Variants in TNFAIP8 observed in about 807,000 individuals in gnomAD.
The protein encoded by TNFAIP8 is TNF alpha induced protein 8, also known as tumor necrosis factor alpha-induced protein 8.
TNFAIP8 carries 7 observed loss-of-function variants against 13.3 expected under a neutral mutation model. That is an observed-to-expected ratio of 0.52 (90% CI 0.30 to 0.99). TNFAIP8 has a LOEUF of 0.99. Ranked by LOEUF, TNFAIP8 falls within the 50% of genes least tolerant of loss-of-function variation. The pLI is 0.07. For synonymous variants in TNFAIP8, 94 were observed against 87.6 expected (o/e 1.07, Z -0.41); for missense variants, 258 against 236.9 (o/e 1.09, Z -0.58).
chr5:119,351,453 A>T (rs1292423916), upstream of TNFAIP8, among the ~76,000 whole-genome samples: 1 of 152,196 alleles, frequency 6.6e-6, no homozygotes, highest in Non-Finnish European at 1.5e-5. Flanking sequence ...GATAGTCAAC[A>T]TTTTATTATA....
At chr5:119,375,244 G>A (rs1752237378) in intron 1 of TNFAIP8, among the ~76,000 whole-genome samples, 2 of 152,118 alleles carry the variant, frequency 1.3e-5, no homozygotes, top group African/African-American at 4.8e-5. Context: ...TGATCCCTAC[G>A]TTAACCTCTA....
intron 1 of TNFAIP8, among the ~76,000 whole-genome samples, chr5:119,330,340 G>T (rs571073184): frequency 6.6e-6 from 1 of 152,188 alleles, no homozygotes; most frequent in African/African-American, 2.4e-5. Flanking sequence ...ATAAACAAAT[G>T]AAAGTATCTT....
intron 1 of TNFAIP8, among the ~76,000 whole-genome samples, chr5:119,310,294 C>T (rs972298342): frequency 2.0e-5 from 3 of 152,130 alleles, no homozygotes; most frequent in South Asian, 2.1e-4. Context: ...ATGGTAAGGT[C>T]GTCCTGGGAG....
In TNFAIP8 at chr5:119,356,020, C is replaced by T; in HGVS notation, c.-71C>T. 1 of 1,543,804 alleles carries T rather than the reference C, an allele frequency of 6.5e-7. No individual in the cohort carries two copies. Among genetic ancestry groups the T allele is most frequent in the South Asian group, 1.2e-5 (1 of 84,064 alleles). ...TTTCCGTCGTGTGCGGATTTCGCTG[C>T]AGAGCGAACTTGCGGCTCGTCCGAG... is the stretch of plus-strand genomic sequence containing the variant. On this transcript the variant is annotated 5_prime_UTR_variant, in exon 1 of 2. Transcript: ENST00000504771.
At chr5:119,277,296 T>TC (rs796607449) in intron 1 of TNFAIP8, among the ~76,000 whole-genome samples, 6 of 152,362 alleles carry the variant, frequency 3.9e-5, no homozygotes, top group African/African-American at 1.4e-4. Context: ...GTTACTTTTT[T>TC]CTTTAAACAA....
At chr5:119,333,438 G>C in intron 1 of TNFAIP8, 1 of 1,392,350 alleles carries the variant, frequency 7.2e-7, no homozygotes. Context: ...GCTTATGGTA[G>C]ATTTTTCAAA....
intron 1 of TNFAIP8, chr5:119,391,401 G>C: frequency 1.4e-6 from 1 of 702,402 alleles, no homozygotes; most frequent in Non-Finnish European, 2.6e-6. Flanking sequence ...GGAGAGAACA[G>C]TTGCCACTCG....
chr5:119,327,848 A>G (rs1311828414), intron 1 of TNFAIP8, among the ~76,000 whole-genome samples: 1 of 152,200 alleles, frequency 6.6e-6, no homozygotes, highest in Non-Finnish European at 1.5e-5. Context: ...AGAGAAATTA[A>G]GTTACTATTT....
chr5:119,376,780 ATGAGGACTTCC>A (rs1230992977), intron 1 of TNFAIP8, among the ~76,000 whole-genome samples: 1 of 152,180 alleles, frequency 6.6e-6, no homozygotes, highest in Non-Finnish European at 1.5e-5. Context: ...TGGACGGTCA[ATGAGGACTTCC>A]TGATATTTGG....
At chr5:119,327,363 G>A (rs996245043) in intron 1 of TNFAIP8, among the ~76,000 whole-genome samples, 1 of 152,146 alleles carries the variant, frequency 6.6e-6, no homozygotes, top group African/African-American at 2.4e-5. Context: ...AATGATGTGT[G>A]CTTTTCTTAG....
chr5:119,293,532 T>C (rs930740476), intron 1 of TNFAIP8, among the ~76,000 whole-genome samples: 3 of 152,240 alleles, frequency 2.0e-5, no homozygotes, highest in African/African-American at 7.2e-5. Flanking sequence ...ATTTCTTCTT[T>C]TTTAAGGCTG....
chr5:119,374,476 T>C (rs1752204889), intron 1 of TNFAIP8, among the ~76,000 whole-genome samples: 1 of 152,182 alleles, frequency 6.6e-6, no homozygotes, highest in Non-Finnish European at 1.5e-5. Flanking sequence ...CCAGCAAAGA[T>C]CCTGGGATGG....
intron 1 of TNFAIP8, among the ~76,000 whole-genome samples, chr5:119,381,195 C>T (rs1029436929): frequency 2.6e-5 from 4 of 152,200 alleles, no homozygotes; most frequent in African/African-American, 9.7e-5. Context: ...AAGAATTCTT[C>T]CTCAGATACC....
At chr5:119,327,056 A>G (rs1174214804) in intron 1 of TNFAIP8, among the ~76,000 whole-genome samples, 1 of 152,172 alleles carries the variant, frequency 6.6e-6, no homozygotes, top group Non-Finnish European at 1.5e-5. Context: ...TCGGGCTCCC[A>G]TGGCCTCTTC....
chr5:119,296,601 C>G (rs1055679177), intron 1 of TNFAIP8, among the ~76,000 whole-genome samples: 1 of 151,976 alleles, frequency 6.6e-6, no homozygotes, highest in Non-Finnish European at 1.5e-5. Flanking sequence ...TTTGGTTGTG[C>G]CTGTGCCCGG....
intron 1 of TNFAIP8, among the ~76,000 whole-genome samples, chr5:119,368,177 C>G (rs1338897262): frequency 1.3e-5 from 2 of 152,148 alleles, no homozygotes; most frequent in Non-Finnish European, 2.9e-5. Context: ...CCAAAAGTTG[C>G]TTCCCATCAG....
chr5:119,274,078 A>G (rs1356994918), intron 1 of TNFAIP8, among the ~76,000 whole-genome samples: 1 of 152,144 alleles, frequency 6.6e-6, no homozygotes, highest in African/African-American at 2.4e-5. Flanking sequence ...TGTCAACAAA[A>G]ATAGGGGAGA....
At chr5:119,274,824 T>C (rs1504977) in intron 1 of TNFAIP8, among the ~76,000 whole-genome samples, 51,186 of 151,938 alleles carry the variant, frequency 0.34, 8,875 homozygotes, top group African/African-American at 0.36. Flanking sequence ...TTTGAACTTA[T>C]CCAATGTGCT....
chr5:119,331,058 G>A (rs896083925), intron 1 of TNFAIP8, among the ~76,000 whole-genome samples: 2 of 152,046 alleles, frequency 1.3e-5, no homozygotes, highest in African/African-American at 4.8e-5. Flanking sequence ...AGGGCTCCTA[G>A]GGCTGGAAGT....
Sources: allele counts gnomAD v4.1 joint callset (sites outside exome capture counted in the v4.1 genomes callset), GRCh38; gene constraint gnomAD v4.1.1; transcripts MANE v1.5; gene names NCBI Gene and HGNC (gene_info 2026-07-23, HGNC 2026-07-21).